RALYL: variants seen among roughly 807,000 people sequenced by gnomAD.
RALYL encodes the protein RNA-binding Raly-like protein.
Under a neutral mutation model 35.1 loss-of-function variants are expected in RALYL, and 29 were observed. The ratio of observed to expected loss-of-function variants is 0.83; its 90% CI spans 0.61 to 1.13. The LOEUF is 1.13. Ranked by LOEUF, RALYL falls within the 50% of genes most tolerant of loss-of-function variation. The probability of loss-of-function intolerance (pLI) is 0.00; values close to 1 mark genes in which losing one functional copy is unlikely to be tolerated. For missense variants in RALYL, 359 were observed against 360.4 expected (o/e 1.00, Z 0.03); for synonymous variants, 120 against 127.6 (o/e 0.94, Z 0.40).
At chr8:84,747,140 C>A (rs1161446225) in intron 2 of RALYL, among the ~76,000 whole-genome samples, 1 of 151,632 alleles carries the variant, frequency 6.6e-6, no homozygotes, top group African/African-American at 2.4e-5. Flanking sequence ...GTTGAAGAAT[C>A]CAATATTTCT....
In RALYL at chr8:84,795,705, T is replaced by C. The variant is rs566232807; in HGVS notation, c.333-9065T>C. 2.0e-5 allele frequency among the ~76,000 whole-genome samples: 3 copies of C among 152,304 alleles called. No individual in the cohort carries two copies. The South Asian group carries it at 6.2e-4, about 32-fold the overall frequency. ...CTTTTCATTTTTCTTCTTATTCCTG[T>C]GGCAGACATAGGTTAATTACAGGCC... On this transcript the variant is annotated intron_variant, in intron 3 of 8. Coordinates refer to ENST00000521268, the MANE Select transcript of RALYL (RefSeq NM_173848.7).
intron 2 of RALYL, among the ~76,000 whole-genome samples, chr8:84,655,615 C>T (rs1829815053): frequency 6.6e-6 from 1 of 152,252 alleles, no homozygotes; most frequent in South Asian, 2.1e-4. Context: ...AGACATGCAC[C>T]ACGGCCAAGG....
At chr8:84,582,747 T>G (rs1811115212) in intron 2 of RALYL, among the ~76,000 whole-genome samples, 1 of 152,018 alleles carries the variant, frequency 6.6e-6, no homozygotes. Flanking sequence ...ATAACTGATT[T>G]TAGGCATGCT....
At chr8:84,480,152 T>A (rs1398608508) in intron 1 of RALYL, among the ~76,000 whole-genome samples, 1 of 152,194 alleles carries the variant, frequency 6.6e-6, no homozygotes, top group African/African-American at 2.4e-5. Context: ...TAATTAATTA[T>A]ATTTTAAGCT....
intron 8 of RALYL, among the ~76,000 whole-genome samples, chr8:84,893,387 T>C (rs1416806628): frequency 6.6e-6 from 1 of 152,224 alleles, no homozygotes; most frequent in Non-Finnish European, 1.5e-5. Context: ...TTATTCTCTA[T>C]ATTTATATCC....
chr8:84,192,771 T>C (rs1814236064), intron 1 of RALYL, among the ~76,000 whole-genome samples: 1 of 151,886 alleles, frequency 6.6e-6, no homozygotes, highest in African/African-American at 2.4e-5. Flanking sequence ...TTGACCAGGC[T>C]GGTCTTGAGC....
At chr8:84,672,557 C>T (rs2131841741) in intron 2 of RALYL, among the ~76,000 whole-genome samples, 1 of 152,184 alleles carries the variant, frequency 6.6e-6, no homozygotes, top group Admixed American at 6.5e-5. Context: ...GAAGAACTAC[C>T]CAAGACTGGG....
intron 2 of RALYL, among the ~76,000 whole-genome samples, chr8:84,770,164 AACCCAATTTTTAGTCTTTT>A (rs1402481927): frequency 6.6e-6 from 1 of 152,022 alleles, no homozygotes; most frequent in Non-Finnish European, 1.5e-5. Flanking sequence ...GTATACACTA[AACCCAATTTTTAGTCTTTT>A]ACCCTTCACC....
chr8:84,618,396 A>G (rs1457083070), intron 2 of RALYL, among the ~76,000 whole-genome samples: 1 of 151,420 alleles, frequency 6.6e-6, no homozygotes, highest in Non-Finnish European at 1.5e-5. Flanking sequence ...TGTTTGTAGT[A>G]TTCTCTGATG....
At chr8:84,898,711 A>G (rs1363127309) in intron 8 of RALYL, among the ~76,000 whole-genome samples, 1 of 152,202 alleles carries the variant, frequency 6.6e-6, no homozygotes, top group Non-Finnish European at 1.5e-5. Context: ...TTAAACAGAC[A>G]GAGGTTGCCT....
chr8:84,338,689 C>T (rs914481471), intron 1 of RALYL, among the ~76,000 whole-genome samples: 1 of 151,946 alleles, frequency 6.6e-6, no homozygotes, highest in African/African-American at 2.4e-5. Context: ...CTTTTTTATA[C>T]CTTGGTATTG....
At chr8:84,723,863 C>T (rs1184264231) in intron 2 of RALYL, among the ~76,000 whole-genome samples, 1 of 151,630 alleles carries the variant, frequency 6.6e-6, no homozygotes. Context: ...TCCCTCATTA[C>T]CCTTTATTCT....
rs918311577 is a variant in RALYL at position 84,738,654 on chromosome 8, T to A, written c.257-35925T>A. The stretch of plus-strand genomic sequence containing the variant: ...TTATATATTACTATCAACATGAGCA[T>A]CATAGATAACAATACAATGTTATTT... On this transcript the variant is annotated intron_variant, in intron 2 of 8. Transcript: ENST00000521268. Among the ~76,000 whole-genome samples, 4 of 152,044 alleles carry A rather than the reference T, an allele frequency of 2.6e-5. No individual in the cohort carries two copies. The East Asian group carries it at 5.8e-4, about 22-fold the overall frequency.
intron 1 of RALYL, among the ~76,000 whole-genome samples, chr8:84,372,917 C>CTTTTTTTTTTTTTTTTTTTTTTTTTTTTT (rs1856174202): frequency 1.8e-3 from 88 of 49,046 alleles, no homozygotes; most frequent in African/African-American, 4.0e-3. Flanking sequence ...TTTTTTTTTA[C>CTTTTTTTTTTTTTTTTTTTTTTTTTTTTT]TTTTTAATAA....
intron 5 of RALYL, among the ~76,000 whole-genome samples, chr8:84,850,580 T>C (rs1835640175): frequency 1.3e-5 from 2 of 152,204 alleles, no homozygotes; most frequent in Admixed American, 1.3e-4. Flanking sequence ...TATTCTCTTC[T>C]CTATAAACTA....
At chr8:84,783,732 T>TA (rs1818729008) in intron 3 of RALYL, among the ~76,000 whole-genome samples, 1 of 152,154 alleles carries the variant, frequency 6.6e-6, no homozygotes, top group Non-Finnish European at 1.5e-5. Flanking sequence ...CATATGTATT[T>TA]AAAAAAGAAG....
chr8:84,614,463 C>T (rs1189291627), intron 2 of RALYL, among the ~76,000 whole-genome samples: 2 of 151,710 alleles, frequency 1.3e-5, no homozygotes, highest in African/African-American at 4.9e-5. Context: ...CTTTAGATTA[C>T]ATCTTCCCTA....
chr8:84,318,382 C>T (rs1434923267), intron 1 of RALYL, among the ~76,000 whole-genome samples: 1 of 152,214 alleles, frequency 6.6e-6, no homozygotes, highest in Non-Finnish European at 1.5e-5. Flanking sequence ...AACATACCAG[C>T]CCCTGTTCTT....
intron 2 of RALYL, among the ~76,000 whole-genome samples, chr8:84,664,836 C>T (rs1014575236): frequency 6.6e-6 from 1 of 151,938 alleles, no homozygotes; most frequent in African/African-American, 2.4e-5. Flanking sequence ...TCGCCTGATT[C>T]CCCTGGCCAG....
Sources: allele counts gnomAD v4.1 joint callset (sites outside exome capture counted in the v4.1 genomes callset), GRCh38; gene constraint gnomAD v4.1.1; transcripts MANE v1.5; gene names NCBI Gene and HGNC (gene_info 2026-07-23, HGNC 2026-07-21).